RBM4: variants seen among roughly 807,000 people sequenced by gnomAD.
The protein encoded by RBM4 is RNA-binding protein 4.
Under a neutral mutation model 29.5 loss-of-function variants are expected in RBM4, and 7 were observed. The ratio of observed to expected loss-of-function variants is 0.24; its 90% CI spans 0.14 to 0.45. The LOEUF (loss-of-function observed/expected upper bound fraction) is 0.45, where lower values mean the gene tolerates loss of function less well. RBM4 is among the 20% of genes least tolerant of loss of function. The pLI, the probability that RBM4 is intolerant of heterozygous loss-of-function variation, is 1.00. For synonymous variants in RBM4, 220 were observed against 205.4 expected (o/e 1.07, Z -0.61); for missense variants, 387 against 502.3 (o/e 0.77, Z 2.19).
At chr11:66,664,096 C>G (rs1939146290) in intron 2 of RBM4, among the ~76,000 whole-genome samples, 1 of 151,910 alleles carries the variant, frequency 6.6e-6, no homozygotes, top group Admixed American at 6.6e-5. Context: ...CAGCCTCAAC[C>G]TCCTGGGCTC....
intron 2 of RBM4, among the ~76,000 whole-genome samples, chr11:66,654,810 G>T (rs1336676640): frequency 1.3e-5 from 2 of 150,998 alleles, no homozygotes; most frequent in African/African-American, 4.9e-5. Context: ...GAGCCACTGT[G>T]CCCAGCCTAC....
chr11:66,653,492 G>A (rs1195270175), intron 2 of RBM4, among the ~76,000 whole-genome samples: 1 of 151,512 alleles, frequency 6.6e-6, no homozygotes, highest in African/African-American at 2.4e-5. Context: ...CTTCCGAGTA[G>A]CTGGGACTAT....
intron 2 of RBM4, chr11:66,665,059 A>G (rs916820791): frequency 6.5e-6 from 1 of 152,742 alleles, no homozygotes; most frequent in Non-Finnish European, 1.5e-5. Flanking sequence ...GAGTGGAGTA[A>G]AACAAGGGTA....
chr11:66,646,899 A>G (rs1461751812), downstream of RBM4, among the ~76,000 whole-genome samples: 2 of 152,214 alleles, frequency 1.3e-5, no homozygotes, highest in Non-Finnish European at 2.9e-5. Flanking sequence ...CTGTGGCTCC[A>G]AGAGTACTTT....
intron 2 of RBM4, among the ~76,000 whole-genome samples, chr11:66,653,789 A>G (rs910428272): frequency 3.3e-5 from 5 of 151,574 alleles, no homozygotes; most frequent in Middle Eastern, 6.8e-3. Context: ...AAAATTATAC[A>G]TGGGTTTTCT....
exon 3 of RBM4, chr11:66,666,648 G>C (rs1939241199): frequency 6.4e-6 from 1 of 155,364 alleles, no homozygotes; most frequent in South Asian, 2.0e-4. Flanking sequence ...TAAGAGACAG[G>C]TTATCTGATA....
At chr11:66,666,346 G>T in exon 3 of RBM4, 1 of 1,011,368 alleles carries the variant, frequency 9.9e-7, no homozygotes, top group Non-Finnish European at 1.2e-6. Flanking sequence ...TTCAAAAGTT[G>T]TGACGTTCTT....
rs1938550926 is a variant in RBM4 at position 66,643,384 on chromosome 11, T to C, written c.413-66T>C. 1.3e-6 allele frequency: 2 copies of C among 1,537,196 alleles called. No homozygotes were observed. The highest frequency in any genetic ancestry group is 1.8e-6 in the Non-Finnish European group (2 of 1,138,540). ...GATAAAGCCATTGCTATGACCAGTG[T>C]CTGGGGTAGGGGCTGGGGCTATGAC... On this transcript the variant is annotated intron_variant, in intron 2 of 3. Transcript: ENST00000310092. The surrounding 1 kb of genome is among the most constrained non-coding windows in gnomAD (Gnocchi z 6.1).
At position 66,643,379 on chromosome 11, in the gene RBM4, C is replaced by A; in HGVS notation, c.413-71C>A. The stretch of plus-strand genomic sequence containing the variant: ...GTCTAGATAAAGCCATTGCTATGAC[C>A]AGTGTCTGGGGTAGGGGCTGGGGCT... On this transcript the variant is annotated intron_variant, in intron 2 of 3. Coordinates refer to ENST00000310092, the MANE Select transcript of RBM4 (RefSeq NM_002896.4). This position sits in a 1 kb window ranked among gnomAD's most constrained non-coding sequence, Gnocchi z 6.1. 6.5e-7 allele frequency: 1 copy of A among 1,526,750 alleles called. No homozygotes were observed. The highest frequency in any genetic ancestry group is 1.3e-5 in the South Asian group (1 of 78,246). 94.6% of individuals were successfully genotyped at this position (1,526,750 alleles called of 1,614,324 possible). A position where few individuals can be genotyped will look rare whatever the true frequency, so the allele number is the denominator to read the frequency against.
At chr11:66,648,749 G>A (rs989559610), downstream of RBM4, among the ~76,000 whole-genome samples, 44 of 151,798 alleles carry the variant, frequency 2.9e-4, no homozygotes, top group African/African-American at 9.7e-4. Flanking sequence ...GGAGGTGGAG[G>A]TTGCAGTAAG....
downstream of RBM4, among the ~76,000 whole-genome samples, chr11:66,649,559 A>G (rs1590868805): frequency 6.6e-6 from 1 of 152,196 alleles, no homozygotes; most frequent in African/African-American, 2.4e-5. Flanking sequence ...GGTGATTTGA[A>G]AAGATTGACT....
chr11:66,665,263 GAGA>G (rs1340761887), intron 2 of RBM4: 4 of 369,288 alleles, frequency 1.1e-5, no homozygotes, highest in African/African-American at 6.3e-5. Flanking sequence ...GGTAGGCAGG[GAGA>G]AGGATTCAAC....
intron 2 of RBM4, chr11:66,665,558 T>G (rs1939193326): frequency 6.5e-7 from 1 of 1,531,254 alleles, no homozygotes; most frequent in Non-Finnish European, 8.8e-7. Context: ...AGCCCGAGGG[T>G]TCAGTCCGCA....
intron 2 of RBM4, among the ~76,000 whole-genome samples, chr11:66,660,794 C>T (rs530369718): frequency 6.6e-6 from 1 of 151,992 alleles, no homozygotes; most frequent in African/African-American, 2.4e-5. Context: ...GCTGGGACTA[C>T]AGGCATGTGC....
intron 2 of RBM4, among the ~76,000 whole-genome samples, chr11:66,655,161 T>A (rs2135083920): frequency 6.6e-6 from 1 of 152,186 alleles, no homozygotes; most frequent in Non-Finnish European, 1.5e-5. Flanking sequence ...AATTTTTGTA[T>A]TTTTAGTAGG....
At chr11:66,646,598 G>A (rs900926639), downstream of RBM4, 1 of 973,698 alleles carries the variant, frequency 1.0e-6, no homozygotes, top group South Asian at 4.8e-5. Context: ...TTTGTTTATT[G>A]TAAGTAGGAC....
rs534409678 is a variant in RBM4, at chr11:66,658,026, T to A, written c.413-7830T>A. Among the ~76,000 whole-genome samples, 96 of 145,476 alleles carry A rather than the reference T, an allele frequency of 6.6e-4. No individual in the cohort carries two copies. The East Asian group carries it at 9.3e-3, about 14-fold the overall frequency. ...TGAGCCACCTAGTCTGACCCTTTTT[T>A]AAAATTTTTTTTTTTTGAGATGGAG... On this transcript the variant is annotated intron_variant, in intron 2 of 2. Coordinates refer to the RBM4 transcript ENST00000396053.
At position 66,646,056 on chromosome 11, in the gene RBM4, C is replaced by G; in HGVS notation, c.*38C>G. On this transcript the variant is annotated 3_prime_UTR_variant, in exon 4 of 4. Coordinates refer to ENST00000310092, the MANE Select transcript of RBM4 (RefSeq NM_002896.4). Reference sequence around the variant, plus strand: ...GATGTGTGTGGGCTGAAATTCCGAGCTGCGGTTGTGCATGAGAATACACCC... The same window carrying G: ...GATGTGTGTGGGCTGAAATTCCGAGGTGCGGTTGTGCATGAGAATACACCC... 1 of 1,536,116 alleles carries G rather than the reference C, an allele frequency of 6.5e-7. No homozygotes were observed. The highest frequency in any genetic ancestry group is 8.7e-7 in the Non-Finnish European group (1 of 1,146,914).
chr11:66,649,814 G>A (rs748727682), downstream of RBM4: 5 of 697,622 alleles, frequency 7.2e-6, no homozygotes, highest in Admixed American at 1.0e-4. Flanking sequence ...TGAGCTCAAG[G>A]GATCCTCCCG....
Sources: allele counts gnomAD v4.1 joint callset (sites outside exome capture counted in the v4.1 genomes callset), GRCh38; gene constraint gnomAD v4.1.1; non-coding constraint Gnocchi (gnomAD v3.1); transcripts MANE v1.5; gene names NCBI Gene and HGNC (gene_info 2026-07-23, HGNC 2026-07-21).